NBPF3: variants seen among roughly 807,000 people sequenced by gnomAD.
NBPF3 encodes the protein NBPF family member NBPF3.
A neutral mutation model predicts 78.1 loss-of-function variants in NBPF3; 57 were observed. The ratio of observed to expected loss-of-function variants is 0.73; its 90% confidence interval spans 0.59 to 0.91. The LOEUF (loss-of-function observed/expected upper bound fraction) is 0.91, where lower values mean the gene tolerates loss of function less well. NBPF3 is among the 40% of genes least tolerant of loss of function. NBPF3 has a pLI of 0.00. For synonymous variants in NBPF3, 182 were observed against 271.7 expected, an observed-to-expected ratio of 0.67 and a Z score of 3.25; for missense variants, 510 against 715.3, an observed-to-expected ratio of 0.71 and a Z score of 3.27.
chr1:21,484,010 G>A lies in NBPF3; in HGVS notation c.*624G>A, dbSNP rs1330235255. Reference sequence around the variant, plus strand: ...GGACAAACAGCATTGGGAGGCCTTAGTCCTGCTCCTTTCAATTCCATCCTG... The same window carrying A: ...GGACAAACAGCATTGGGAGGCCTTAATCCTGCTCCTTTCAATTCCATCCTG... On this transcript the variant is annotated 3_prime_UTR_variant, in exon 15 of 15. Coordinates refer to ENST00000318249, the MANE Select transcript of NBPF3 (RefSeq NM_032264.6). The A allele has an allele frequency of 1.3e-5, 2 of 152,002 alleles. No individual in the cohort carries two copies. The highest frequency in any genetic ancestry group is 4.9e-5 in the African/African-American group (2 of 41,150). The allele number at this position is 152,002 out of a possible 1,614,324, so 9.4% of individuals were successfully genotyped here.
chr1:21,449,592 T>A (rs2147914240), intron 2 of NBPF3, among the ~76,000 whole-genome samples: 1 of 152,194 alleles, frequency 6.6e-6, no homozygotes, highest in Non-Finnish European at 1.5e-5. Context: ...TGCCTCAGCC[T>A]CCTGAGTAGC....
chr1:21,451,334 A>C (rs1169118856), intron 2 of NBPF3, among the ~76,000 whole-genome samples: 1 of 152,218 alleles, frequency 6.6e-6, no homozygotes, highest in African/African-American at 2.4e-5. Flanking sequence ...CTCTTGGATA[A>C]ATGCTTAGGA....
chr1:21,449,412 T>A (rs1641170792), intron 2 of NBPF3, among the ~76,000 whole-genome samples: 1 of 152,198 alleles, frequency 6.6e-6, no homozygotes, highest in Admixed American at 6.5e-5. Flanking sequence ...AAAATCGAGA[T>A]GATACATTTT....
intron 9 of NBPF3, 110 bp from the exon 10 acceptor site, chr1:21,479,239 T>A: frequency 8.4e-7 from 1 of 1,185,058 alleles, no homozygotes; most frequent in South Asian, 1.2e-5. Context: ...AGTCTCCTAT[T>A]CTCACACTGA....
upstream of NBPF3, among the ~76,000 whole-genome samples, chr1:21,438,094 A>G (rs1054962317): frequency 7.9e-5 from 12 of 151,580 alleles, no homozygotes; most frequent in African/African-American, 2.7e-4. Context: ...TGCTGGGATT[A>G]CAGGCGTGAG....
intron 2 of NBPF3, among the ~76,000 whole-genome samples, chr1:21,466,583 G>T (rs1185512317): frequency 2.0e-5 from 3 of 152,228 alleles, no homozygotes; most frequent in African/African-American, 7.2e-5. Flanking sequence ...GGTGATAGAG[G>T]TGATCTCCCA....
chr1:21,441,847 T>C (rs977512914), intron 1 of NBPF3, among the ~76,000 whole-genome samples: 2 of 152,196 alleles, frequency 1.3e-5, no homozygotes, highest in Admixed American at 1.3e-4. Context: ...ACTTTAGTAT[T>C]ACATATTGTT....
intron 2 of NBPF3, chr1:21,468,353 T>G: frequency 1.6e-6 from 2 of 1,226,406 alleles, no homozygotes. Flanking sequence ...AGGGTGCCTG[T>G]GTTTCAGCAA....
intron 2 of NBPF3, among the ~76,000 whole-genome samples, chr1:21,448,439 T>C (rs1641114385): frequency 6.6e-6 from 1 of 152,198 alleles, no homozygotes; most frequent in African/African-American, 2.4e-5. Flanking sequence ...ATCAGTGGAC[T>C]GTCTGTAGGC....
chr1:21,440,385 C>T (rs979192039), intron 1 of NBPF3, 37 bp downstream of exon 1: 3 of 151,416 alleles, frequency 2.0e-5, no homozygotes, highest in African/African-American at 7.3e-5. Context: ...GGCGGTGAAT[C>T]CGGGACCGGC....
chr1:21,437,480 G>T, upstream of NBPF3: 1 of 1,461,936 alleles, frequency 6.8e-7, no homozygotes, highest in South Asian at 1.2e-5. Flanking sequence ...GGTCCACGAG[G>T]ACGCCCAGCG....
In NBPF3 at chr1:21,484,019, C is replaced by T. The variant is rs1401886048; in HGVS notation, c.*633C>T. On this transcript the variant is annotated 3_prime_UTR_variant, in exon 15 of 15. Coordinates refer to ENST00000318249, the MANE Select transcript of NBPF3 (RefSeq NM_032264.6). ...GCATTGGGAGGCCTTAGTCCTGCTC[C>T]TTTCAATTCCATCCTGTAAAGAACA... 6.6e-6 allele frequency: 1 copy of T among 151,136 alleles called. No individual in the cohort carries two copies. The highest frequency in any genetic ancestry group is 1.5e-5 in the Non-Finnish European group (1 of 68,074). The allele number at this position is 151,136 out of a possible 1,614,324, so 9.4% of individuals were successfully genotyped here.
intron 8 of NBPF3, among the ~76,000 whole-genome samples, chr1:21,475,519 C>T (rs2148003273): frequency 6.6e-6 from 1 of 152,280 alleles, no homozygotes; most frequent in Non-Finnish European, 1.5e-5. Flanking sequence ...GTTATTTACC[C>T]AGTAGTCATT....
At chr1:21,479,164 C>T (rs1317317245) in intron 9 of NBPF3, among the ~76,000 whole-genome samples, 185 bp from the exon 10 acceptor site, 1 of 152,252 alleles carries the variant, frequency 6.6e-6, no homozygotes, top group Non-Finnish European at 1.5e-5. Context: ...GCCCAAGGCT[C>T]ATGAAAGGAA....
intron 2 of NBPF3, among the ~76,000 whole-genome samples, chr1:21,458,095 A>G (rs1356259647): frequency 6.6e-6 from 1 of 152,204 alleles, no homozygotes; most frequent in Non-Finnish European, 1.5e-5. Flanking sequence ...CAGTAAATTC[A>G]CTTAATCTAA....
rs764312065 is a variant in NBPF3, at chr1:21,480,118, TC to T, written c.1277del (p.Ser426Ter). ...GCAGGACTCACTGGATAGATTTTAT[TC>T]AACTCCTTTTGAGTACCTGGAACTG... is the stretch of plus-strand genomic sequence containing the variant. Reference protein sequence around the residue: ...VLQDSLDRFYSTPFEYLELPD... With the variant: ...VLQDSLDRFYXTPFEYLELPD... On this transcript the variant is annotated frameshift_variant, in exon 11 of 15. Transcript: ENST00000318249. LOFTEE classifies it high-confidence loss of function. 9.2e-7 allele frequency: 1 copy of T among 1,087,804 alleles called. No individual in the cohort carries two copies. The highest frequency in any genetic ancestry group is 1.4e-6 in the Non-Finnish European group (1 of 738,942). 67.4% of individuals were successfully genotyped at this position (1,087,804 alleles called of 1,614,324 possible). A position where few individuals can be genotyped will look rare whatever the true frequency, so the allele number is the denominator to read the frequency against.
At chr1:21,457,350 A>ATATATATATATATGTATG (rs761913137) in intron 2 of NBPF3, among the ~76,000 whole-genome samples, 11 of 126,432 alleles carry the variant, frequency 8.7e-5, no homozygotes, top group South Asian at 5.0e-4. Context: ...GTGTGTGTGT[A>ATATATATATATATGTATG]TATATATATA....
At chr1:21,473,119 G>A (rs1421883476) in intron 6 of NBPF3, among the ~76,000 whole-genome samples, 3 of 152,120 alleles carry the variant, frequency 2.0e-5, no homozygotes, top group Non-Finnish European at 2.9e-5. Flanking sequence ...TACCGTACAG[G>A]GATAGCTGAG....
chr1:21,436,885 G>T, upstream of NBPF3: 1 of 513,834 alleles, frequency 1.9e-6, no homozygotes, highest in Non-Finnish European at 3.0e-6. The surrounding 1 kb of genome is among the most constrained non-coding windows in gnomAD (Gnocchi z 4.3). Context: ...GGTGGGGGCG[G>T]GGACGGGTCC....
Sources: gnomAD v4.1 joint callset for allele counts (sites outside exome capture counted in the v4.1 genomes callset) on GRCh38, gnomAD v4.1.1 for gene constraint, Gnocchi (gnomAD v3.1) non-coding constraint, MANE v1.5 for transcripts, NCBI Gene and HGNC (gene_info 2026-07-23, HGNC 2026-07-21) for gene names.